ZNF236: variants seen among roughly 807,000 people sequenced by gnomAD.
The protein encoded by ZNF236 is regulated by glucose.
Under a neutral mutation model 191.2 loss-of-function variants are expected in ZNF236, and 50 were observed. That is an observed-to-expected ratio of 0.26 (90% CI 0.21 to 0.33). The LOEUF (loss-of-function observed/expected upper bound fraction) is 0.33. Among genes scored for constraint, ZNF236 ranks in the 10% least tolerant of loss-of-function variants. The pLI, the probability that ZNF236 is intolerant of heterozygous loss-of-function variation, is 1.00. For synonymous variants in ZNF236, 907 were observed against 928.8 expected, an observed-to-expected ratio of 0.98 and a Z score of 0.43; for missense variants, 1,754 against 2,374.5, an observed-to-expected ratio of 0.74 and a Z score of 5.43.
chr18:76,899,047 T>G lies in ZNF236; in HGVS notation c.1719T>G (p.Cys573Trp). Residue 573 changes from cysteine to tryptophan, a missense_variant, in exon 11 of 31, where the codon TGT becomes TGG. By Grantham distance (215) the Cys-to-Trp change is radical (BLOSUM62 -2). This residue lies in a region of ZNF236 where 641 missense variants were observed against 869.6 expected (regional missense o/e 0.74). Transcript: ENST00000320610. ...TTAGACCTTTTGCTTGTCCTCACTG[T>G]GACAAAAAATTTCGAACCTCAGGCC... ...TGVRPFACPH[C>W]DKKFRTSGHR... 2 of 1,614,156 alleles carry G rather than the reference T, an allele frequency of 1.2e-6. No homozygotes were observed. The highest frequency in any genetic ancestry group is 1.7e-6 in the Non-Finnish European group (2 of 1,179,998).
rs1344841176 is a variant in ZNF236, at chr18:76,919,811, A to C, written c.3310A>C (p.Arg1104=). The change falls in exon 20 of 31, where the codon AGA becomes CGA. Residue 1104 remains arginine (R), a synonymous_variant. Coordinates refer to ENST00000320610, the MANE Select transcript of ZNF236 (RefSeq NM_001306089.2). The surrounding 1 kb of genome is among the most constrained non-coding windows in gnomAD (Gnocchi z 5.3). ...CMEEEEEHSD[R]NASRKSRPEV... is the part of the protein sequence containing the mutation. ...GGAGGAAGAGGAAGAACATTCTGAC[A>C]GAAATGCATCACGGAAGTCTCGTCC... The C allele has an allele frequency of 6.2e-7, 1 of 1,614,250 alleles. No homozygotes were observed. The highest frequency in any genetic ancestry group is 8.5e-7 in the Non-Finnish European group (1 of 1,180,042).
At chr18:76,911,919 G>A (rs941056758) in intron 16 of ZNF236, among the ~76,000 whole-genome samples, 30 of 152,236 alleles carry the variant, frequency 2.0e-4, no homozygotes, top group African/African-American at 6.7e-4. Context: ...CTCTGAAGGT[G>A]GGATTTTATT....
chr18:76,947,462 A>C, intron 26 of ZNF236, 59 bp from the exon 27 acceptor site: 1 of 1,575,470 alleles, frequency 6.3e-7, no homozygotes, highest in Admixed American at 1.8e-5. Context: ...AAGATCTTTT[A>C]AATTATTGCT....
At chr18:76,856,444 A>G (rs1405010543) in intron 3 of ZNF236, among the ~76,000 whole-genome samples, 5 of 152,210 alleles carry the variant, frequency 3.3e-5, no homozygotes, top group Admixed American at 2.0e-4. Flanking sequence ...TGGCCTCCCA[A>G]AGTGCTGAGA....
intron 3 of ZNF236, among the ~76,000 whole-genome samples, chr18:76,866,862 AG>A (rs1976428337): frequency 6.6e-6 from 1 of 152,048 alleles, no homozygotes. Flanking sequence ...TTTGGCTTGC[AG>A]GAGAGAAAGC....
chr18:76,851,845 A>G lies in ZNF236; in HGVS notation c.269A>G (p.His90Arg), dbSNP rs1355678785. The change falls in exon 3 of 31, where the codon CAC becomes CGC. Residue 90 changes from histidine to arginine, a missense_variant. Physicochemically the swap from His to Arg is conservative, Grantham distance 29 (BLOSUM62 0). This residue lies in a region of ZNF236 where 336 missense variants were observed against 495.1 expected (regional missense o/e 0.68). Transcript: ENST00000320610. ...EFNLTLHKCT[H>R]SGEDPTCPVC... ...AACCTGACACTTCATAAATGCACCC[A>G]CAGCGGGGAAGATCCTACCTGCCCT... 1 of 1,614,134 alleles carries G rather than the reference A, an allele frequency of 6.2e-7. No homozygotes were observed. Among genetic ancestry groups the G allele is most frequent in the Non-Finnish European group, 8.5e-7 (1 of 1,179,992 alleles).
chr18:76,922,576 A>G (rs1410331653), intron 20 of ZNF236, among the ~76,000 whole-genome samples: 1 of 137,664 alleles, frequency 7.3e-6, no homozygotes, highest in African/African-American at 2.8e-5. Context: ...TTTTTTTTTG[A>G]GACAGAGTCT....
intron 1 of ZNF236, among the ~76,000 whole-genome samples, chr18:76,845,035 A>C (rs1438469496): frequency 6.6e-6 from 1 of 152,218 alleles, no homozygotes; most frequent in Non-Finnish European, 1.5e-5. Context: ...TTTATTCCGC[A>C]CAACTGTGAG....
chr18:76,900,273 A>G (rs933008996), intron 11 of ZNF236, among the ~76,000 whole-genome samples: 2 of 152,210 alleles, frequency 1.3e-5, no homozygotes, highest in African/African-American at 2.4e-5. Flanking sequence ...TGAATCTGAG[A>G]GTTTAACATC....
At chr18:76,899,315 TTAAA>T (rs1399563987) in intron 11 of ZNF236, 93 bp downstream of exon 11, 3 of 1,130,362 alleles carry the variant, frequency 2.7e-6, no homozygotes, top group Non-Finnish European at 3.7e-6. Flanking sequence ...GTCTCTGTAG[TTAAA>T]TAGTTTTTTA....
At chr18:76,949,374 A>C (rs1483265794) in intron 27 of ZNF236, among the ~76,000 whole-genome samples, 1 of 152,230 alleles carries the variant, frequency 6.6e-6, no homozygotes, top group East Asian at 1.9e-4. Context: ...TTTAACTTCC[A>C]TATTCCATTA....
chr18:76,954,092 A>G (rs1428684667), intron 27 of ZNF236, among the ~76,000 whole-genome samples: 1 of 152,208 alleles, frequency 6.6e-6, no homozygotes, highest in African/African-American at 2.4e-5. Flanking sequence ...TTTTAGCAAG[A>G]TTCTATTAAT....
chr18:76,936,193 T>G (rs374710617), intron 25 of ZNF236: 1 of 441,836 alleles, frequency 2.3e-6, no homozygotes, highest in East Asian at 7.0e-5. Context: ...AATAGCTTTT[T>G]GAACTTTCCT....
rs187728293 is a variant in ZNF236 at position 76,921,237 on chromosome 18, A to G, written c.3557+1179A>G. Among the ~76,000 whole-genome samples, 309 of 152,200 alleles carry G rather than the reference A, an allele frequency of 2.0e-3. 3 individuals carry two copies. Among genetic ancestry groups the G allele is most frequent in the Non-Finnish European group, 1.1e-3 (76 of 68,004 alleles). Reference sequence around the variant, plus strand: ...GAGGTGTGTTCAGCTAGAGAGTGACAATGAGGGAGGTCACTGGAGAAGAGA... The same window carrying G: ...GAGGTGTGTTCAGCTAGAGAGTGACGATGAGGGAGGTCACTGGAGAAGAGA... On this transcript the variant is annotated intron_variant, in intron 20 of 30. Coordinates refer to ENST00000320610, the MANE Select transcript of ZNF236 (RefSeq NM_001306089.2).
At chr18:76,901,322 C>T (rs1188620675) in intron 11 of ZNF236, among the ~76,000 whole-genome samples, 2 of 152,168 alleles carry the variant, frequency 1.3e-5, no homozygotes, top group Non-Finnish European at 1.5e-5. Flanking sequence ...AAATACTCTA[C>T]AACTTTTTCC....
At chr18:76,829,723 T>G (rs971627528) in intron 1 of ZNF236, among the ~76,000 whole-genome samples, 6 of 152,342 alleles carry the variant, frequency 3.9e-5, no homozygotes, top group African/African-American at 1.4e-4. Context: ...AAAAAACATC[T>G]GCCTAGAAAA....
chr18:76,958,985 C>T (rs996627490), intron 28 of ZNF236, among the ~76,000 whole-genome samples: 2 of 152,232 alleles, frequency 1.3e-5, no homozygotes, highest in Non-Finnish European at 2.9e-5. Context: ...TATTATGCTT[C>T]TGCAATTTTG....
At chr18:76,865,359 C>CA (rs921099909) in intron 3 of ZNF236, among the ~76,000 whole-genome samples, 5 of 151,698 alleles carry the variant, frequency 3.3e-5, no homozygotes, top group South Asian at 2.1e-4. Context: ...CAAAACAAAA[C>CA]AAAAAAAACC....
rs184547609 is a variant in ZNF236 at position 76,916,944 on chromosome 18, G to A, written c.3274+1085G>A. Among the ~76,000 whole-genome samples the A allele has an allele frequency of 4.9e-3, 744 of 152,288 alleles. 4 individuals carry two copies. Among genetic ancestry groups the A allele is most frequent in the Non-Finnish European group, 7.9e-3 (539 of 68,018 alleles). Reference sequence around the variant, plus strand: ...CTGTCTGCTTTGCCACCATCTGACCGAAAGACCACAGTGAGACCATCTGGG... The same window carrying A: ...CTGTCTGCTTTGCCACCATCTGACCAAAAGACCACAGTGAGACCATCTGGG... On this transcript the variant is annotated intron_variant, in intron 19 of 30. Transcript: ENST00000320610.
Sources: allele counts gnomAD v4.1 joint callset (sites outside exome capture counted in the v4.1 genomes callset), GRCh38; gene constraint gnomAD v4.1.1; regional missense constraint gnomAD v4.1.1; non-coding constraint Gnocchi (gnomAD v3.1); transcripts MANE v1.5; gene names NCBI Gene and HGNC (gene_info 2026-07-23, HGNC 2026-07-21).